The following ZNRF3 variants were observed in gnomAD, a reference collection of about 807,000 sequenced individuals.
ZNRF3 encodes E3 ubiquitin-protein ligase ZNRF3.
Under a neutral mutation model 72.5 loss-of-function variants are expected in ZNRF3, and 23 were observed. The ratio of observed to expected loss-of-function variants is 0.32; its 90% CI spans 0.23 to 0.45. The LOEUF (loss-of-function observed/expected upper bound fraction) is 0.45. ZNRF3 is among the 20% of genes least tolerant of loss of function. The pLI is 1.00. For missense variants in ZNRF3, 1,169 were observed against 1,272.1 expected, an observed-to-expected ratio of 0.92 and a Z score of 1.23; for synonymous variants, 610 against 545.3, an observed-to-expected ratio of 1.12 and a Z score of -1.65.
intron 1 of ZNRF3, among the ~76,000 whole-genome samples, chr22:28,921,890 G>A (rs2034519660): frequency 6.6e-6 from 1 of 152,198 alleles, no homozygotes; most frequent in Non-Finnish European, 1.5e-5. Flanking sequence ...TAGGATCTGT[G>A]CTACGTTAGG....
intron 2 of ZNRF3, among the ~76,000 whole-genome samples, chr22:29,013,649 A>T (rs1342616826): frequency 6.6e-6 from 1 of 152,190 alleles, no homozygotes; most frequent in African/African-American, 2.4e-5. Flanking sequence ...GTGTTAAGAG[A>T]GGGTCCCTGA....
chr22:28,930,436 AATTC>A (rs1281108544), intron 1 of ZNRF3, among the ~76,000 whole-genome samples: 10 of 152,268 alleles, frequency 6.6e-5, no homozygotes, highest in Middle Eastern at 3.4e-3. Context: ...CATATTCTGA[AATTC>A]ATGGAAAGGG....
intron 1 of ZNRF3, among the ~76,000 whole-genome samples, chr22:28,986,384 C>T (rs73172428): frequency 0.039 from 5,941 of 152,276 alleles, 160 homozygotes; most frequent in Middle Eastern, 0.11. Context: ...GATTCTAGGG[C>T]CTGGTACCAC....
In ZNRF3 at chr22:29,046,704, T is replaced by G; in HGVS notation, c.745-12T>G. On this transcript the variant is annotated splice_polypyrimidine_tract_variant and intron_variant, in intron 5 of 8. Transcript: ENST00000544604. ...TACTGGACCCTCACACAGACTACAT[T>G]CTGCCCTGCAGAATTCCATGAACAG... 6.3e-7 allele frequency: 1 copy of G among 1,590,142 alleles called. No homozygotes were observed. The highest frequency in any genetic ancestry group is 8.6e-7 in the Non-Finnish European group (1 of 1,167,554).
chr22:28,922,370 G>A (rs2034526138), intron 1 of ZNRF3, among the ~76,000 whole-genome samples: 1 of 152,140 alleles, frequency 6.6e-6, no homozygotes, highest in African/African-American at 2.4e-5. Flanking sequence ...ATAAATGCAT[G>A]TTATTTAAAA....
rs376211136 is a variant in ZNRF3, at chr22:28,926,292, TG to T, written c.300+42229del. 2.4e-4 allele frequency among the ~76,000 whole-genome samples: 37 copies of T among 152,198 alleles called. No homozygotes were observed. In the East Asian group the frequency reaches 6.4e-3, roughly 26 times the overall value. On this transcript the variant is annotated intron_variant, in intron 1 of 8. Transcript: ENST00000544604. Reference sequence around the variant, plus strand: ...CAAGCCAGCTGGGTGGGACTTCTGGTGGGTTTTAAATTGATTTGAAGAAAAA... The same window carrying T: ...CAAGCCAGCTGGGTGGGACTTCTGGTGGTTTTAAATTGATTTGAAGAAAAA...
intron 2 of ZNRF3, among the ~76,000 whole-genome samples, chr22:29,023,643 T>G (rs759442480): frequency 1.3e-4 from 20 of 152,200 alleles, no homozygotes; most frequent in Non-Finnish European, 2.6e-4. Flanking sequence ...TCCTTGGGTG[T>G]GCTGCATTGT....
intron 1 of ZNRF3, among the ~76,000 whole-genome samples, chr22:28,911,835 C>T (rs2034324900): frequency 6.6e-6 from 1 of 152,098 alleles, no homozygotes; most frequent in South Asian, 2.1e-4. Context: ...AGTGTGCTCT[C>T]TTGAACATGG....
intron 1 of ZNRF3, among the ~76,000 whole-genome samples, chr22:28,918,547 TGTGTG>T (rs2034451172): frequency 1.1e-5 from 1 of 89,908 alleles, no homozygotes; most frequent in Non-Finnish European, 2.2e-5. Context: ...CGTGTGTGTG[TGTGTG>T]TGTGTGTGTG....
intron 1 of ZNRF3, among the ~76,000 whole-genome samples, chr22:28,970,869 A>C (rs2035561662): frequency 6.6e-6 from 1 of 152,234 alleles, no homozygotes; most frequent in African/African-American, 2.4e-5. Flanking sequence ...GGGTGGAAGA[A>C]GAAATGGACT....
chr22:28,893,227 G>GT (rs1354056752), intron 1 of ZNRF3, among the ~76,000 whole-genome samples: 2 of 152,076 alleles, frequency 1.3e-5, no homozygotes, highest in African/African-American at 4.8e-5. Context: ...TTAGGTGTGT[G>GT]TAAGTTCCCA....
At chr22:28,946,540 A>G (rs2035055150) in intron 1 of ZNRF3, among the ~76,000 whole-genome samples, 1 of 152,224 alleles carries the variant, frequency 6.6e-6, no homozygotes, top group Admixed American at 6.5e-5. Context: ...GTTTATGAGA[A>G]AGTCCAGGTA....
intron 2 of ZNRF3, among the ~76,000 whole-genome samples, chr22:29,023,296 G>A (rs912456175): frequency 5.9e-5 from 9 of 152,204 alleles, no homozygotes; most frequent in African/African-American, 2.2e-4. Flanking sequence ...AGTTGGCTCT[G>A]ATGGAACACC....
chr22:29,020,995 A>G (rs2036528781), intron 2 of ZNRF3, among the ~76,000 whole-genome samples: 1 of 151,878 alleles, frequency 6.6e-6, no homozygotes, highest in Admixed American at 6.5e-5. Context: ...ATGGGGTTTC[A>G]CCGTGTTAGC....
At chr22:28,952,495 G>GTT (rs11401088) in intron 1 of ZNRF3, among the ~76,000 whole-genome samples, 3,572 of 141,804 alleles carry the variant, frequency 0.025, 63 homozygotes, top group South Asian at 0.053. Context: ...TCATTTCCAT[G>GTT]TTTTTTTTTT....
At chr22:29,043,633 A>G (rs984766110) in intron 4 of ZNRF3, among the ~76,000 whole-genome samples, 1 of 152,196 alleles carries the variant, frequency 6.6e-6, no homozygotes, top group Non-Finnish European at 1.5e-5. Flanking sequence ...AAATCCTACC[A>G]GAAATAGATA....
chr22:28,926,243 G>C (rs1020381938), intron 1 of ZNRF3, among the ~76,000 whole-genome samples: 3 of 152,210 alleles, frequency 2.0e-5, no homozygotes, highest in African/African-American at 7.2e-5. Flanking sequence ...CAATGGGGTG[G>C]AGGTGCTGCT....
chr22:28,990,630 C>T (rs922691021), intron 2 of ZNRF3, among the ~76,000 whole-genome samples: 3 of 151,924 alleles, frequency 2.0e-5, no homozygotes, highest in East Asian at 3.9e-4. Context: ...GTGCTGTGAT[C>T]GCACCACTGT....
chr22:28,903,069 A>G (rs2034137840), intron 1 of ZNRF3, among the ~76,000 whole-genome samples: 1 of 151,952 alleles, frequency 6.6e-6, no homozygotes, highest in Non-Finnish European at 1.5e-5. Flanking sequence ...TCCCCAGGGT[A>G]GTGCTTAAGC....
Sources: allele counts gnomAD v4.1 joint callset (sites outside exome capture counted in the v4.1 genomes callset), GRCh38; gene constraint gnomAD v4.1.1; transcripts MANE v1.5; gene names NCBI Gene and HGNC (gene_info 2026-07-23, HGNC 2026-07-21).